The following PRELID2 variants were observed in gnomAD, a reference collection of about 807,000 sequenced individuals.
PRELID2 encodes PRELI domain-containing protein 2.
In PRELID2, 25 loss-of-function variants were observed where a neutral mutation model predicts 28.4. The ratio of observed to expected loss-of-function variants is 0.88; its 90% CI spans 0.64 to 1.23. The LOEUF (loss-of-function observed/expected upper bound fraction) is 1.23, where lower values mean the gene tolerates loss of function less well. PRELID2 is among the 50% of genes most tolerant of loss of function. The pLI, the probability that PRELID2 is intolerant of heterozygous loss-of-function variation, is 0.00. For missense variants in PRELID2, 201 were observed against 214.4 expected (o/e 0.94, Z 0.39); for synonymous variants, 76 against 71.6 (o/e 1.06, Z -0.31).
At chr5:145,406,452 G>T in the PRELID2 span, among the ~76,000 whole-genome samples, 3 of 152,168 alleles carry the variant, frequency 2.0e-5, no homozygotes, top group Non-Finnish European at 2.9e-5. Flanking sequence ...ATCTCAAAGG[G>T]CAGAGAAAGA....
intron 1 of PRELID2, among the ~76,000 whole-genome samples, chr5:145,680,910 G>C (rs1218550075): frequency 6.6e-6 from 1 of 152,228 alleles, no homozygotes; most frequent in East Asian, 1.9e-4. Context: ...ACACTCAGCA[G>C]AAGGCCCTGT....
chr5:145,636,542 T>C (rs1159841809), intron 1 of PRELID2, among the ~76,000 whole-genome samples: 1 of 152,240 alleles, frequency 6.6e-6, no homozygotes, highest in African/African-American at 2.4e-5. Context: ...AATCCTGACC[T>C]ATTTCTAACT....
the PRELID2 span, among the ~76,000 whole-genome samples, chr5:145,382,579 A>C: frequency 6.6e-6 from 1 of 152,068 alleles, no homozygotes. Context: ...TTTCAAGTAA[A>C]AGTGTGAATA....
the PRELID2 span, among the ~76,000 whole-genome samples, chr5:145,426,693 AAAC>A: frequency 3.3e-5 from 5 of 152,190 alleles, no homozygotes; most frequent in African/African-American, 9.7e-5. Context: ...ACAGGTGAGA[AAAC>A]AACAACTCAC....
At chr5:145,229,214 G>A in the PRELID2 span, 13 of 808,766 alleles carry the variant, frequency 1.6e-5, no homozygotes, top group East Asian at 1.2e-4. Flanking sequence ...TCTGCTACTC[G>A]CTGGCCCCCC....
chr5:145,343,636 A>C, the PRELID2 span, among the ~76,000 whole-genome samples: 1 of 151,944 alleles, frequency 6.6e-6, no homozygotes, highest in Admixed American at 6.6e-5. Flanking sequence ...AACCATACCC[A>C]AAATTAGCAG....
At chr5:145,270,212 T>C in the PRELID2 span, among the ~76,000 whole-genome samples, 1 of 152,062 alleles carries the variant, frequency 6.6e-6, no homozygotes, top group African/African-American at 2.4e-5. Context: ...AACATGTATC[T>C]ACATTTTAAA....
intron 5 of PRELID2, among the ~76,000 whole-genome samples, chr5:145,790,721 G>GTATGTGTGTGTATA: frequency 9.0e-6 from 1 of 110,906 alleles, no homozygotes; most frequent in Middle Eastern, 5.3e-3. Flanking sequence ...GTGTGTGTGT[G>GTATGTGTGTGTATA]TATATATATA....
At chr5:145,356,174 AT>A in the PRELID2 span, among the ~76,000 whole-genome samples, 1 of 152,114 alleles carries the variant, frequency 6.6e-6, no homozygotes, top group Non-Finnish European at 1.5e-5. Context: ...ACACATTTGA[AT>A]TTAAGAAAAT....
At chr5:145,703,375 GGGATT>G (rs1268295867) in intron 1 of PRELID2, among the ~76,000 whole-genome samples, 16 of 152,138 alleles carry the variant, frequency 1.1e-4, no homozygotes, top group African/African-American at 3.6e-4. Flanking sequence ...CCCTTCCATA[GGGATT>G]GTTCCATCAT....
intron 1 of PRELID2, among the ~76,000 whole-genome samples, chr5:145,512,643 C>A (rs561981434): frequency 6.6e-6 from 1 of 152,332 alleles, no homozygotes; most frequent in East Asian, 1.9e-4. Flanking sequence ...TGCTAAGGGA[C>A]AGACTGCCTC....
chr5:145,820,109 G>T (rs1215662584), intron 2 of PRELID2, 91 bp from the exon 3 acceptor site: 102 of 547,886 alleles, frequency 1.9e-4, no homozygotes, highest in South Asian at 2.2e-4. Flanking sequence ...GGGTTTTTTT[G>T]TTTTTTGTTT....
the PRELID2 span, among the ~76,000 whole-genome samples, chr5:145,289,627 C>A: frequency 6.6e-6 from 1 of 152,104 alleles, no homozygotes; most frequent in African/African-American, 2.4e-5. Flanking sequence ...GAGCACTATT[C>A]CTAGATCATA....
intron 1 of PRELID2, among the ~76,000 whole-genome samples, chr5:145,526,240 A>G (rs769416821): frequency 1.3e-5 from 2 of 152,246 alleles, no homozygotes; most frequent in Non-Finnish European, 2.9e-5. Context: ...CCAAGGTCAC[A>G]CGTGTGCTAA....
chr5:145,830,936 T>C (rs372452663), intron 1 of PRELID2, among the ~76,000 whole-genome samples: 2 of 152,192 alleles, frequency 1.3e-5, no homozygotes, highest in East Asian at 3.8e-4. Context: ...AGATCTGATT[T>C]AAAATAGAAC....
the PRELID2 span, among the ~76,000 whole-genome samples, chr5:145,245,159 A>G: frequency 6.6e-6 from 1 of 152,110 alleles, no homozygotes; most frequent in Non-Finnish European, 1.5e-5. Flanking sequence ...ATGTCCTGTA[A>G]TTAAGAAATG....
At chr5:145,817,190 C>CAAAA (rs1246315266) in intron 4 of PRELID2, among the ~76,000 whole-genome samples, 1 of 42,656 alleles carries the variant, frequency 2.3e-5, no homozygotes, top group East Asian at 4.1e-4. Flanking sequence ...GACTGCATTT[C>CAAAA]AAAAAAAAAT....
intron 5 of PRELID2, among the ~76,000 whole-genome samples, chr5:145,766,085 A>G (rs1165222267): frequency 1.3e-5 from 2 of 152,180 alleles, no homozygotes; most frequent in African/African-American, 4.8e-5. Flanking sequence ...TCCTCCTTAA[A>G]GGACAAGTTT....
At chr5:145,385,497 A>C in the PRELID2 span, among the ~76,000 whole-genome samples, 1 of 152,154 alleles carries the variant, frequency 6.6e-6, no homozygotes, top group Non-Finnish European at 1.5e-5. Flanking sequence ...GGAAAAATGC[A>C]AACTGACCAC....
Sources: allele counts gnomAD v4.1 joint callset (sites outside exome capture counted in the v4.1 genomes callset), GRCh38; gene constraint gnomAD v4.1.1; transcripts MANE v1.5; gene names NCBI Gene and HGNC (gene_info 2026-07-23, HGNC 2026-07-21).